USP10: variants seen among roughly 807,000 people sequenced by gnomAD.
USP10 encodes ubiquitin carboxyl-terminal hydrolase 10.
USP10 carries 22 observed loss-of-function variants against 84.5 expected under a neutral mutation model. The ratio of observed to expected loss-of-function variants is 0.26; its 90% CI spans 0.19 to 0.37. The LOEUF (loss-of-function observed/expected upper bound fraction) is 0.37. USP10 is among the 10% of genes least tolerant of loss of function. The probability of loss-of-function intolerance (pLI) is 1.00; values close to 1 mark genes in which losing one functional copy is unlikely to be tolerated. For synonymous variants in USP10, 454 were observed against 387.6 expected (o/e 1.17, Z -2.01); for missense variants, 1,019 against 998.9 (o/e 1.02, Z -0.27).
Position 84,764,210 on chromosome 16 carries a change from C to A in USP10, c.1779C>A (p.Arg593=), listed in dbSNP as rs747204763. The change falls in exon 10 of 14, where the codon CGC becomes CGA. Residue 593 remains arginine (R), a synonymous_variant. Transcript: ENST00000219473. ...VGPRNKTSVT[R]QADFVQTPIT... Reference sequence around the variant, plus strand: ...CCCGGAACAAGACTTCCGTCACCCGCCAGGCGGATTTTGTTCAGACTCCAA... The same window carrying A: ...CCCGGAACAAGACTTCCGTCACCCGACAGGCGGATTTTGTTCAGACTCCAA... 6.2e-7 allele frequency: 1 copy of A among 1,614,016 alleles called. No homozygotes were observed. The highest frequency in any genetic ancestry group is 1.1e-5 in the South Asian group (1 of 91,076).
intron 1 of USP10, among the ~76,000 whole-genome samples, chr16:84,727,487 CAAAA>C (rs869091586): frequency 1.1e-4 from 16 of 145,588 alleles, no homozygotes; most frequent in African/African-American, 4.0e-4. Flanking sequence ...AACAAACAAA[CAAAA>C]ACTCTTTATT....
Position 84,775,062 on chromosome 16 carries a change from A to G in USP10, c.2144-98A>G, listed in dbSNP as rs577096268. On this transcript the variant is annotated intron_variant, in intron 12 of 13. Transcript: ENST00000219473. ...TTGTTTTGTTCCTGGTCTGACAGGC[A>G]GTTTACTTGCTGGGGAGAATGTTGT... 3.0e-6 allele frequency: 3 copies of G among 1,006,512 alleles called. No homozygotes were observed. The South Asian group carries it at 3.8e-5, about 13-fold the overall frequency. 62.3% of individuals were successfully genotyped at this position (1,006,512 alleles called of 1,614,324 possible). A position where few individuals can be genotyped will look rare whatever the true frequency, so the allele number is the denominator to read the frequency against.
At position 84,740,307 on chromosome 16, in the gene USP10, A is replaced by G; in HGVS notation, c.91-2A>G. The G allele has an allele frequency of 6.2e-7, 1 of 1,608,462 alleles. No homozygotes were observed. Among genetic ancestry groups the G allele is most frequent in the Non-Finnish European group, 8.5e-7 (1 of 1,177,164 alleles). On this transcript the variant is annotated splice_acceptor_variant, in intron 2 of 13. Coordinates refer to ENST00000219473, the MANE Select transcript of USP10 (RefSeq NM_005153.3). LOFTEE classifies it high-confidence loss of function. ...AAATTTGTTTTCTGATTCCTTGTGCAGCTTCCTCCATACAGTGGAACAGTT... is the reference window on the plus strand; with the variant it reads ...AAATTTGTTTTCTGATTCCTTGTGCGGCTTCCTCCATACAGTGGAACAGTT...
chr16:84,724,826 G>T (rs6564071), intron 1 of USP10, among the ~76,000 whole-genome samples: 2 of 152,202 alleles, frequency 1.3e-5, no homozygotes, highest in Non-Finnish European at 2.9e-5. Flanking sequence ...GAACTTCCTG[G>T]TGTGCATTCA....
intron 4 of USP10, among the ~76,000 whole-genome samples, chr16:84,755,704 A>G (rs1912451943): frequency 6.6e-6 from 1 of 151,912 alleles, no homozygotes; most frequent in Non-Finnish European, 1.5e-5. Context: ...AGGCTGAGGC[A>G]CAAGAATTGC....
At chr16:84,732,197 A>G (rs964245090) in intron 1 of USP10, among the ~76,000 whole-genome samples, 1 of 152,196 alleles carries the variant, frequency 6.6e-6, no homozygotes, top group African/African-American at 2.4e-5. Context: ...AATAATGAGT[A>G]TTATTCATTT....
chr16:84,764,201 C>G lies in USP10; in HGVS notation c.1770C>G (p.Ser590=), dbSNP rs756505225. 2.5e-5 allele frequency: 41 copies of G among 1,613,874 alleles called. No homozygotes were observed. Among genetic ancestry groups the G allele is most frequent in the Non-Finnish European group, 3.4e-5 (40 of 1,179,894 alleles). The change falls in exon 10 of 14, where the codon TCC becomes TCG. Residue 590 remains serine, a synonymous_variant. Transcript: ENST00000219473. ...AAGTGGGCCCCCGGAACAAGACTTC[C>G]GTCACCCGCCAGGCGGATTTTGTTC... ...WEQVGPRNKT[S]VTRQADFVQT...
chr16:84,775,287 G>T, intron 13 of USP10, 62 bp downstream of exon 13: 2 of 1,554,368 alleles, frequency 1.3e-6, no homozygotes. Context: ...TTTACAGCTG[G>T]GCACAGGTTT....
chr16:84,717,409 C>T (rs1370495903), intron 1 of USP10, among the ~76,000 whole-genome samples: 1 of 152,196 alleles, frequency 6.6e-6, no homozygotes, highest in Non-Finnish European at 1.5e-5. Flanking sequence ...ACATTCAGTA[C>T]ACACTAGCTG....
intron 3 of USP10, 34 bp from the exon 4 acceptor site, chr16:84,744,599 T>G: frequency 6.5e-7 from 1 of 1,538,558 alleles, no homozygotes; most frequent in East Asian, 2.3e-5. Context: ...TTTGTAGAAC[T>G]GGGTTCTTAA....
intron 1 of USP10, among the ~76,000 whole-genome samples, chr16:84,725,621 C>T (rs578034210): frequency 6.3e-4 from 96 of 152,164 alleles, no homozygotes; most frequent in African/African-American, 2.2e-3. Flanking sequence ...GCAGTCTGTT[C>T]TCTGACTCCT....
chr16:84,706,872 G>A (rs1905598503), intron 1 of USP10, among the ~76,000 whole-genome samples: 2 of 151,902 alleles, frequency 1.3e-5, no homozygotes, highest in Non-Finnish European at 2.9e-5. Context: ...AAGACCTGAA[G>A]TAGGCTTTCT....
Position 84,760,302 on chromosome 16 carries a change from T to C in USP10, c.1554+27T>C, listed in dbSNP as rs535113573. 4 of 1,559,610 alleles carry C rather than the reference T, an allele frequency of 2.6e-6. No homozygotes were observed. In the African/African-American group the frequency reaches 4.1e-5, roughly 16 times the overall value. On this transcript the variant is annotated intron_variant, in intron 8 of 13. Transcript: ENST00000219473. ...TTTGAGACTTCTCTGTTGTCACTAG[T>C]ATCAAGTGTTGCCTTTTGTTCCAGT...
chr16:84,763,060 A>G lies in USP10; in HGVS notation c.1626A>G (p.Leu542=). 3.7e-6 allele frequency: 6 copies of G among 1,612,068 alleles called. No individual in the cohort carries two copies. Among genetic ancestry groups the G allele is most frequent in the African/African-American group, 1.3e-5 (1 of 75,030 alleles). The change falls in exon 9 of 14, where the codon CTA becomes CTG. Residue 542 remains leucine, a synonymous_variant. Transcript: ENST00000219473. Reference sequence around the variant, plus strand: ...GACTTCATGAGGAAATGTTGAACCTAAAGAAGCTTCTCTCACCAAGTAATG... The same window carrying G: ...GACTTCATGAGGAAATGTTGAACCTGAAGAAGCTTCTCTCACCAAGTAATG... The part of the protein sequence containing the change: ...LNGLHEEMLN[L]KKLLSPSNEK...
At position 84,765,492 on chromosome 16, in the gene USP10, A is replaced by G. The variant is rs59538429; in HGVS notation, c.1832+1229A>G. Reference sequence around the variant, plus strand: ...TAGTTTCGTCTTTTTTTTTTTTTTAATAAAGATTCCATGTATAAGTGAGAC... The same window carrying G: ...TAGTTTCGTCTTTTTTTTTTTTTTAGTAAAGATTCCATGTATAAGTGAGAC... On this transcript the variant is annotated intron_variant, in intron 10 of 13. Coordinates refer to ENST00000219473, the MANE Select transcript of USP10 (RefSeq NM_005153.3). Among the ~76,000 whole-genome samples the G allele has an allele frequency of 9.2e-3, 1,379 of 149,444 alleles. 15 individuals carry two copies. The highest frequency in any genetic ancestry group is 0.032 in the African/African-American group (1,285 of 40,548).
chr16:84,742,929 C>G (rs879666686), intron 3 of USP10, among the ~76,000 whole-genome samples: 4 of 152,208 alleles, frequency 2.6e-5, no homozygotes, highest in Non-Finnish European at 5.9e-5. Flanking sequence ...ACATCTGTGT[C>G]TTAGAAATAA....
chr16:84,759,821 A>G (rs997065762), intron 6 of USP10, 70 bp from the exon 7 acceptor site: 42 of 1,483,070 alleles, frequency 2.8e-5, no homozygotes, highest in Admixed American at 6.7e-5. Flanking sequence ...CTACTTAGCC[A>G]TCAAAGCTCT....
intron 4 of USP10, among the ~76,000 whole-genome samples, chr16:84,757,402 GGTGTGTGTGTGTGTGT>G (rs58812391): frequency 3.6e-5 from 3 of 82,810 alleles, no homozygotes; most frequent in East Asian, 2.7e-4. Context: ...GAGGGGTGGG[GGTGTGTGTGTGTGTGT>G]GTGTGTGTGT....
intron 1 of USP10, among the ~76,000 whole-genome samples, chr16:84,701,280 A>G (rs1167756525): frequency 6.6e-6 from 1 of 152,234 alleles, no homozygotes; most frequent in Non-Finnish European, 1.5e-5. Context: ...ACAAGCTTCA[A>G]TTTTGTTAAA....
Sources: gnomAD v4.1 joint callset for allele counts (sites outside exome capture counted in the v4.1 genomes callset) on GRCh38, gnomAD v4.1.1 for gene constraint, MANE v1.5 for transcripts, NCBI Gene and HGNC (gene_info 2026-07-23, HGNC 2026-07-21) for gene names.